The following TCFL5 variants were observed in gnomAD, a reference collection of about 807,000 sequenced individuals.
TCFL5 encodes transcription factor-like 5 protein.
A neutral mutation model predicts 44.3 loss-of-function variants in TCFL5; 9 were observed. That is an observed-to-expected ratio of 0.20 (90% CI 0.12 to 0.35). TCFL5 has a LOEUF of 0.35. Among genes scored for constraint, TCFL5 ranks in the 10% least tolerant of loss-of-function variants. The pLI, the probability that TCFL5 is intolerant of heterozygous loss-of-function variation, is 1.00. For synonymous variants in TCFL5, 319 were observed against 271.6 expected, an observed-to-expected ratio of 1.17 and a Z score of -1.72; for missense variants, 603 against 613.4, an observed-to-expected ratio of 0.98 and a Z score of 0.18.
chr20:62,844,218 C>T (rs2063710616), intron 5 of TCFL5, among the ~76,000 whole-genome samples: 1 of 152,230 alleles, frequency 6.6e-6, no homozygotes, highest in South Asian at 2.1e-4. Flanking sequence ...GTCTCCACAT[C>T]CTTGCCAACA....
In TCFL5 at chr20:62,857,499, G is replaced by A. The variant is rs139764957; in HGVS notation, c.1134C>T (p.Ser378=). 6 of 1,614,240 alleles carry A rather than the reference G, an allele frequency of 3.7e-6. No individual in the cohort carries two copies. Among genetic ancestry groups the A allele is most frequent in the Non-Finnish European group, 5.1e-6 (6 of 1,180,050 alleles). Residue 378 remains serine, a synonymous_variant, in exon 4 of 6, where the codon TCC becomes TCT. Coordinates refer to ENST00000335351, the MANE Select transcript of TCFL5 (RefSeq NM_006602.4). The part of the protein sequence containing the change: ...GATATQGAWQ[S]SESSQANLGE... ...CCAGGTTTGCCTGTGAGGACTCCGA[G>A]GACTGCCAAGCGCCTTGTGTGGCGG...
chr20:62,856,867 T>C (rs2063900432), intron 4 of TCFL5, among the ~76,000 whole-genome samples: 1 of 151,846 alleles, frequency 6.6e-6, no homozygotes, highest in Non-Finnish European at 1.5e-5. Context: ...GAGTTAAGAG[T>C]GCCCCCAGAA....
chr20:62,860,037 A>T, intron 2 of TCFL5, 88 bp downstream of exon 2: 1 of 1,371,306 alleles, frequency 7.3e-7, no homozygotes, highest in Non-Finnish European at 1.0e-6. Context: ...ACTGAAGGGA[A>T]AAAAAAGTAC....
chr20:62,844,367 G>A (rs921814971), intron 5 of TCFL5, among the ~76,000 whole-genome samples: 3 of 152,122 alleles, frequency 2.0e-5, no homozygotes, highest in African/African-American at 7.2e-5. Context: ...GGCCATCTGT[G>A]TATCTTCTCT....
In TCFL5 at chr20:62,857,956, C is replaced by G. The variant is rs138849299; in HGVS notation, c.995-318G>C. Among the ~76,000 whole-genome samples, 617 of 148,262 alleles carry G rather than the reference C, an allele frequency of 4.2e-3. 1 individual carries two copies. The highest frequency in any genetic ancestry group is 7.5e-3 in the Non-Finnish European group (504 of 67,160). On this transcript the variant is annotated intron_variant, in intron 3 of 5. Coordinates refer to ENST00000335351, the MANE Select transcript of TCFL5 (RefSeq NM_006602.4). ...AGGTGTTATCTATGAATACAGAAAACAAGAAGTTGTTTACTTTTTCTAAAG... is the reference window on the plus strand; with the variant it reads ...AGGTGTTATCTATGAATACAGAAAAGAAGAAGTTGTTTACTTTTTCTAAAG...
intron 5 of TCFL5, chr20:62,846,172 A>T: frequency 8.8e-7 from 1 of 1,132,860 alleles, no homozygotes; most frequent in Non-Finnish European, 1.2e-6. Flanking sequence ...CGATAATTTA[A>T]AAAAAAAGAA....
chr20:62,857,774 A>T, intron 3 of TCFL5, 136 bp from the exon 4 acceptor site: 1 of 1,059,304 alleles, frequency 9.4e-7, no homozygotes, highest in Non-Finnish European at 1.3e-6. Context: ...ACACAAAGAG[A>T]TGTACTAATG....
intron 5 of TCFL5, chr20:62,844,743 C>A (rs2063720766): frequency 3.0e-6 from 1 of 335,270 alleles, no homozygotes; most frequent in Admixed American, 6.5e-5. Context: ...TTACAGGCAC[C>A]TGCCACCACA....
At position 62,842,176 on chromosome 20, in the gene TCFL5, A is replaced by G; in HGVS notation, c.1381-79T>C. ...TGTCTTCCAAAGTGCAAAAGGTTCAAATTAAGAGCTAAGTAAATGACTTTA... is the reference window on the plus strand; with the variant it reads ...TGTCTTCCAAAGTGCAAAAGGTTCAGATTAAGAGCTAAGTAAATGACTTTA... On this transcript the variant is annotated intron_variant, in intron 5 of 5. Transcript: ENST00000335351. The surrounding 1 kb of genome is among the most constrained non-coding windows in gnomAD (Gnocchi z 4.3). The G allele has an allele frequency of 1.9e-6, 3 of 1,570,586 alleles. No individual in the cohort carries two copies. The highest frequency in any genetic ancestry group is 2.6e-6 in the Non-Finnish European group (3 of 1,151,990).
rs544066588 is a variant in TCFL5, at chr20:62,845,961, T to C, written c.1381-3864A>G. The C allele has an allele frequency of 4.5e-4, 648 of 1,452,570 alleles. 1 individual carries two copies. Among genetic ancestry groups the C allele is most frequent in the Non-Finnish European group, 5.5e-4 (601 of 1,083,886 alleles). 90.0% of individuals were successfully genotyped at this position (1,452,570 alleles called of 1,614,324 possible). ...CTGAACAGCTGGAAATGAGCCCAGA[T>C]AGAAACTTCAAATGCAAAGCTCCTG... On this transcript the variant is annotated intron_variant, in intron 5 of 5. Transcript: ENST00000335351.
intron 5 of TCFL5, chr20:62,852,328 G>C: frequency 1.0e-6 from 1 of 985,014 alleles, no homozygotes; most frequent in South Asian, 4.7e-5. Flanking sequence ...TGGAACTCGG[G>C]TCCCCCAAAG....
At chr20:62,845,395 T>C (rs1444103186) in intron 5 of TCFL5, 15 of 1,202,044 alleles carry the variant, frequency 1.2e-5, no homozygotes, top group African/African-American at 1.6e-5. Flanking sequence ...AGTGCTGGGA[T>C]TACAGGCGTG....
At chr20:62,844,336 C>T (rs116156065) in intron 5 of TCFL5, among the ~76,000 whole-genome samples, 1,868 of 152,268 alleles carry the variant, frequency 0.012, 21 homozygotes, top group African/African-American at 0.042. Context: ...AACGGCTTGG[C>T]GCATCTTTCA....
intron 2 of TCFL5, 133 bp downstream of exon 2, chr20:62,859,992 G>C: frequency 2.3e-6 from 2 of 882,894 alleles, no homozygotes; most frequent in South Asian, 3.5e-5. Flanking sequence ...TACAGGTGTC[G>C]GCCTTGGCGC....
At chr20:62,846,338 C>T (rs2063742364) in intron 5 of TCFL5, among the ~76,000 whole-genome samples, 1 of 152,166 alleles carries the variant, frequency 6.6e-6, no homozygotes, top group Non-Finnish European at 1.5e-5. Flanking sequence ...TGGACCCTTG[C>T]AGGGCCCGCC....
chr20:62,846,352 G>A (rs1457138804), intron 5 of TCFL5, among the ~76,000 whole-genome samples: 1 of 152,166 alleles, frequency 6.6e-6, no homozygotes, highest in Non-Finnish European at 1.5e-5. Flanking sequence ...GCCCGCCCAC[G>A]ACCCGTCTCC....
chr20:62,845,433 T>C, intron 5 of TCFL5: 1 of 1,272,848 alleles, frequency 7.9e-7, no homozygotes, highest in Non-Finnish European at 1.0e-6. Flanking sequence ...TCTTCCCAAA[T>C]TTTAAAAGGT....
intron 5 of TCFL5, chr20:62,845,953 A>G (rs759636645): frequency 1.8e-5 from 26 of 1,461,440 alleles, no homozygotes; most frequent in Non-Finnish European, 2.3e-5. Context: ...GCTGGAAATG[A>G]GCCCAGATAG....
Position 62,852,936 on chromosome 20 carries a change from C to G in TCFL5, c.1380+1080G>C, listed in dbSNP as rs185452519. Reference sequence around the variant, plus strand: ...TCAGCAGAAGTATATTCACCCAGTCCGCAGAAGTATAGTCACCTAGTCCGC... The same window carrying G: ...TCAGCAGAAGTATATTCACCCAGTCGGCAGAAGTATAGTCACCTAGTCCGC... On this transcript the variant is annotated intron_variant, in intron 5 of 5. Transcript: ENST00000335351. The G allele has an allele frequency of 2.2e-5, 28 of 1,287,944 alleles. No homozygotes were observed. The East Asian group carries it at 5.0e-4, about 23-fold the overall frequency. 79.8% of individuals were successfully genotyped at this position (1,287,944 alleles called of 1,614,324 possible).
Sources: gnomAD v4.1 joint callset for allele counts (sites outside exome capture counted in the v4.1 genomes callset) on GRCh38, gnomAD v4.1.1 for gene constraint, Gnocchi (gnomAD v3.1) non-coding constraint, MANE v1.5 for transcripts, NCBI Gene and HGNC (gene_info 2026-07-23, HGNC 2026-07-21) for gene names.